CAPN15: variants seen among roughly 807,000 people sequenced by gnomAD.
The protein encoded by CAPN15 is calpain-15.
Under a neutral mutation model 97.9 loss-of-function variants are expected in CAPN15, and 53 were observed. That is an observed-to-expected ratio of 0.54 (90% confidence interval 0.43 to 0.68). The LOEUF is 0.68. Among genes scored for constraint, CAPN15 ranks in the 30% least tolerant of loss-of-function variants. The pLI, the probability that CAPN15 is intolerant of heterozygous loss-of-function variation, is 0.00. For missense variants in CAPN15, 1,592 were observed against 1,589.8 expected (o/e 1.00, Z -0.02); for synonymous variants, 922 against 722.5 (o/e 1.28, Z -4.43).
intron 3 of CAPN15, among the ~76,000 whole-genome samples, chr16:544,490 G>T (rs1405439335): frequency 6.6e-6 from 1 of 152,126 alleles, no homozygotes; most frequent in Non-Finnish European, 1.5e-5. Context: ...TCCACGCTCC[G>T]GGTGCTGCTG....
chr16:540,930 A>G (rs942580086), intron 3 of CAPN15, among the ~76,000 whole-genome samples: 2 of 152,098 alleles, frequency 1.3e-5, no homozygotes, highest in Non-Finnish European at 2.9e-5. Flanking sequence ...GACCCCACCG[A>G]TGCTCCTGCC....
intron 3 of CAPN15, among the ~76,000 whole-genome samples, 198 bp downstream of exon 3, chr16:536,340 T>A (rs1472457740): frequency 3.3e-5 from 5 of 152,100 alleles, no homozygotes; most frequent in Non-Finnish European, 7.4e-5. Flanking sequence ...CCACCACTTC[T>A]TGCTCCTCTT....
At chr16:533,568 G>A (rs973472384) in intron 1 of CAPN15, among the ~76,000 whole-genome samples, 1 of 152,198 alleles carries the variant, frequency 6.6e-6, no homozygotes, top group Non-Finnish European at 1.5e-5. Flanking sequence ...GTGCTGCTCT[G>A]CAGCCCCGCT....
At position 552,266 on chromosome 16, in the gene CAPN15, C is replaced by G; in HGVS notation, c.2508-35C>G. ...GGCTGGGCTAGGCTGGCGGCCGTGA[C>G]CACGCGTGACCCTGGCCCGTGGTGT... On this transcript the variant is annotated intron_variant, in intron 10 of 13. Coordinates refer to ENST00000219611, the MANE Select transcript of CAPN15 (RefSeq NM_005632.3). This position sits in a 1 kb window ranked among gnomAD's most constrained non-coding sequence, Gnocchi z 6.4. The G allele has an allele frequency of 6.5e-7, 1 of 1,535,694 alleles. No individual in the cohort carries two copies. The highest frequency in any genetic ancestry group is 8.8e-7 in the Non-Finnish European group (1 of 1,140,914).
rs1472365271 is a variant in CAPN15, at chr16:554,192, C to G, written c.*676C>G. ...CTCAGCACCGCTCACTGCTGCCGGG[C>G]ACACTGGGACCAGCAGGCTCCTCAG... On this transcript the variant is annotated 3_prime_UTR_variant, in exon 14 of 14. Transcript: ENST00000219611. 1 of 296,418 alleles carries G rather than the reference C, an allele frequency of 3.4e-6. No homozygotes were observed. 18.4% of individuals were successfully genotyped at this position (296,418 alleles called of 1,614,324 possible). A position where few individuals can be genotyped will look rare whatever the true frequency, so the allele number is the denominator to read the frequency against.
At position 551,999 on chromosome 16, in the gene CAPN15, C is replaced by T. The variant is rs137970718; in HGVS notation, c.2346-52C>T. On this transcript the variant is annotated intron_variant, in intron 9 of 13. Transcript: ENST00000219611. ...TGTGGTTGCGGTAGGCGCTGAGCCA[C>T]GGAGGTGTGGGCCGTGGTAGGCTCA... 6,019 of 1,524,112 alleles carry T rather than the reference C, an allele frequency of 3.9e-3. 40 individuals carry two copies. The highest frequency in any genetic ancestry group is 3.4e-3 in the Non-Finnish European group (3,874 of 1,127,900). 94.4% of individuals were successfully genotyped at this position (1,524,112 alleles called of 1,614,324 possible).
Position 548,003 on chromosome 16 carries a change from C to T in CAPN15, c.1165C>T (p.Pro389Ser). The T allele has an allele frequency of 6.3e-7, 1 of 1,579,066 alleles. No individual in the cohort carries two copies. Among genetic ancestry groups the T allele is most frequent in the Non-Finnish European group, 8.6e-7 (1 of 1,164,556 alleles). The change falls in exon 4 of 14, where the codon CCC (proline) becomes TCC (serine). Residue 389 changes from proline (P) to serine (S), a missense_variant. Pro to Ser is a moderately conservative substitution (Grantham distance 74). This residue lies in a region of CAPN15 where 883 missense variants were observed against 776.6 expected (regional missense o/e 1.14). Transcript: ENST00000219611. ...THCPDCGADKPSPCGRSCGRV... is the reference protein window; with the variant it reads ...THCPDCGADKSSPCGRSCGRV... ...CTGCCCCGACTGTGGGGCCGACAAG[C>T]CCAGCCCCTGCGGCAGAAGCTGCGG...
intron 3 of CAPN15, among the ~76,000 whole-genome samples, chr16:542,882 C>T (rs531066690): frequency 4.6e-5 from 7 of 152,258 alleles, no homozygotes; most frequent in African/African-American, 1.2e-4. Context: ...GGTGAAACCC[C>T]ATCTCTACTA....
rs528589961 is a variant in CAPN15 at position 535,092 on chromosome 16, T to C, written c.-136-937T>C. Among the ~76,000 whole-genome samples the C allele has an allele frequency of 8.9e-4, 136 of 152,232 alleles. No individual in the cohort carries two copies. The highest frequency in any genetic ancestry group is 3.2e-3 in the African/African-American group (134 of 41,538). ...TCGCTGTGCCAGCCCTGCTCCCATG[T>C]GGGCTCCCAGCTCCCCAGGTAGGGA... On this transcript the variant is annotated intron_variant, in intron 2 of 13. Transcript: ENST00000219611. This position sits in a 1 kb window ranked among gnomAD's most constrained non-coding sequence, Gnocchi z 6.2.
chr16:537,013 G>A (rs1330760955), intron 3 of CAPN15: 6 of 455,058 alleles, frequency 1.3e-5, no homozygotes, highest in Non-Finnish European at 1.7e-5. Context: ...GCAGCGGATC[G>A]GGGCGGTTCA....
rs1433826234 is a variant in CAPN15 at position 549,080 on chromosome 16, A to T, written c.1537A>T (p.Arg513Trp). 6 of 1,612,540 alleles carry T rather than the reference A, an allele frequency of 3.7e-6. 1 individual carries two copies. In the South Asian group the frequency reaches 6.6e-5, roughly 18 times the overall value. The change falls in exon 5 of 14, where the codon AGG becomes TGG. Residue 513 changes from arginine (R) to tryptophan (W), a missense_variant. Arg to Trp is a moderately radical substitution (Grantham distance 101, BLOSUM62 -3). Transcript: ENST00000219611. ...PAGDSVQQRV[R>W]QWLRPQEINC... ...GGGTGACAGCGTGCAGCAGCGTGTG[A>T]GGCAGTGGCTGCGACCCCAGGAGAT... is the stretch of plus-strand genomic sequence containing the variant.
chr16:548,644 G>A (rs1445740337), intron 4 of CAPN15, among the ~76,000 whole-genome samples: 4 of 152,356 alleles, frequency 2.6e-5, no homozygotes, highest in East Asian at 1.9e-4. Flanking sequence ...CCCGTGCTCC[G>A]CCCTCTAGAG....
rs778002114 is a variant in CAPN15 at position 553,348 on chromosome 16, G to C, written c.3093G>C (p.Leu1031=). The change falls in exon 14 of 14, where the codon CTG becomes CTC. Residue 1031 remains leucine, a synonymous_variant. Transcript: ENST00000219611. ...DSVPPLHRQV[L]VILSQLEGNA... is the part of the protein sequence containing the mutation. ...CGGTCCCCTCCCCCAGGCAGGTCCT[G>C]GTGATCTTGTCCCAGCTAGAGGGCA... 1.9e-6 allele frequency: 3 copies of C among 1,597,904 alleles called. No homozygotes were observed. The highest frequency in any genetic ancestry group is 2.3e-5 in the East Asian group (1 of 44,366).
chr16:548,463 C>G (rs2034755921), intron 4 of CAPN15, among the ~76,000 whole-genome samples, 176 bp downstream of exon 4: 1 of 152,244 alleles, frequency 6.6e-6, no homozygotes, highest in Non-Finnish European at 1.5e-5. Context: ...TGGGGTCCAG[C>G]TTGGCCTCCT....
At chr16:539,960 G>C in intron 3 of CAPN15, 1 of 531,504 alleles carries the variant, frequency 1.9e-6, no homozygotes, top group South Asian at 8.1e-5. Flanking sequence ...CCTGCACTGA[G>C]ATGTCCCCTC....
rs547809585 is a variant in CAPN15, at chr16:544,190, T to C, written c.-22-2627T>C. On this transcript the variant is annotated intron_variant, in intron 3 of 13. Transcript: ENST00000219611. ...CCCAGCTCGAGGGAGGCACCACGCC[T>C]GCCCCTCAGAGCACTGAGCAGAGCC... Among the ~76,000 whole-genome samples, 39 of 152,252 alleles carry C rather than the reference T, an allele frequency of 2.6e-4. No individual in the cohort carries two copies. In the South Asian group the frequency reaches 6.0e-3, roughly 23 times the overall value.
At chr16:530,192 C>A (rs537267586) in intron 1 of CAPN15, among the ~76,000 whole-genome samples, 1 of 152,344 alleles carries the variant, frequency 6.6e-6, no homozygotes, top group South Asian at 2.1e-4. Flanking sequence ...GTAGCTGGTC[C>A]CTGGCTCCCC....
chr16:540,143 A>G, intron 3 of CAPN15: 1 of 985,388 alleles, frequency 1.0e-6, no homozygotes, highest in Non-Finnish European at 1.2e-6. Context: ...GCTGCTGGCC[A>G]GAGGTGACCA....
intron 1 of CAPN15, among the ~76,000 whole-genome samples, chr16:531,602 C>T (rs1431747906): frequency 6.9e-6 from 1 of 145,626 alleles, no homozygotes; most frequent in Non-Finnish European, 1.5e-5. Flanking sequence ...CTCCCAAGGC[C>T]CCCGTCTCCT....
Sources: allele counts gnomAD v4.1 joint callset (sites outside exome capture counted in the v4.1 genomes callset), GRCh38; gene constraint gnomAD v4.1.1; regional missense constraint gnomAD v4.1.1; non-coding constraint Gnocchi (gnomAD v3.1); transcripts MANE v1.5; gene names NCBI Gene and HGNC (gene_info 2026-07-23, HGNC 2026-07-21).